Variants in TRPC4 observed in about 807,000 individuals in gnomAD.
The protein encoded by TRPC4 is short transient receptor potential channel 4.
TRPC4 carries 49 observed loss-of-function variants against 99.4 expected under a neutral mutation model. The observed-to-expected ratio is 0.49, with a 90% CI of 0.39 to 0.63. The LOEUF (loss-of-function observed/expected upper bound fraction) is 0.63. TRPC4 is among the 20% of genes least tolerant of loss of function. The pLI is 0.00. For synonymous variants in TRPC4, 454 were observed against 425.9 expected, an observed-to-expected ratio of 1.07 and a Z score of -0.81; for missense variants, 898 against 1,152.9, an observed-to-expected ratio of 0.78 and a Z score of 3.20.
chr13:37,667,486 T>C (rs1952684489), intron 5 of TRPC4, among the ~76,000 whole-genome samples: 1 of 152,136 alleles, frequency 6.6e-6, no homozygotes, highest in South Asian at 2.1e-4. Flanking sequence ...TTTACATTTT[T>C]AGTAGAGACG....
At chr13:37,822,665 T>A (rs1378036851) in intron 1 of TRPC4, among the ~76,000 whole-genome samples, 1 of 152,088 alleles carries the variant, frequency 6.6e-6, no homozygotes, top group Non-Finnish European at 1.5e-5. Flanking sequence ...TCATCCAGTC[T>A]ATCATTGTTG....
At chr13:37,760,091 A>G (rs1382605850) in intron 2 of TRPC4, among the ~76,000 whole-genome samples, 1 of 151,978 alleles carries the variant, frequency 6.6e-6, no homozygotes, top group African/African-American at 2.4e-5. Flanking sequence ...TATTTATATA[A>G]AGATTCCTTA....
At chr13:37,770,822 T>C (rs1464370822) in intron 2 of TRPC4, among the ~76,000 whole-genome samples, 1 of 151,658 alleles carries the variant, frequency 6.6e-6, no homozygotes, top group Non-Finnish European at 1.5e-5. Flanking sequence ...GGATGAAGCG[T>C]GTATCGTATT....
chr13:37,714,691 A>G (rs974454664), intron 3 of TRPC4, among the ~76,000 whole-genome samples: 1 of 152,074 alleles, frequency 6.6e-6, no homozygotes, highest in Non-Finnish European at 1.5e-5. Flanking sequence ...CCATCAAAGT[A>G]TCACCCCACA....
At chr13:37,741,493 A>T (rs528775967) in intron 3 of TRPC4, among the ~76,000 whole-genome samples, 189 of 152,272 alleles carry the variant, frequency 1.2e-3, no homozygotes, top group African/African-American at 4.5e-3. Flanking sequence ...TGGCATCGGG[A>T]TGGGAGTGCT....
At position 37,856,767 on chromosome 13, in the gene TRPC4, G is replaced by C. The variant is rs568979132; in HGVS notation, c.-28+12828C>G. ...AGTGTGATACATCATATAAACTAAA[G>C]GGTTAAACCATGCTAAAGGGTAAAA... On this transcript the variant is annotated intron_variant, in intron 1 of 10. Transcript: ENST00000379705. 2.3e-4 allele frequency among the ~76,000 whole-genome samples: 35 copies of C among 151,100 alleles called. No homozygotes were observed. The South Asian group carries it at 6.6e-3, about 29-fold the overall frequency.
At chr13:37,661,831 G>A (rs879940690) in intron 6 of TRPC4, among the ~76,000 whole-genome samples, 30 of 152,160 alleles carry the variant, frequency 2.0e-4, no homozygotes, top group Non-Finnish European at 3.1e-4. Context: ...GTGGGCGGGG[G>A]AGGAAGAGAA....
At chr13:37,646,247 A>T (rs1182324171) in intron 8 of TRPC4, among the ~76,000 whole-genome samples, 1 of 152,176 alleles carries the variant, frequency 6.6e-6, no homozygotes, top group East Asian at 1.9e-4. Context: ...TCTTCCAGAG[A>T]CCATCCTGCC....
chr13:37,823,779 TTAAAG>T (rs1419446837), intron 1 of TRPC4, among the ~76,000 whole-genome samples: 1 of 137,560 alleles, frequency 7.3e-6, no homozygotes, highest in Non-Finnish European at 1.6e-5. Flanking sequence ...CATATGAACT[TTAAAG>T]TAGTTTTTTT....
At chr13:37,733,821 A>T (rs1955313588) in intron 3 of TRPC4, among the ~76,000 whole-genome samples, 1 of 152,198 alleles carries the variant, frequency 6.6e-6, no homozygotes, top group South Asian at 2.1e-4. Context: ...ATACGGGTGG[A>T]GGACGATAGA....
At chr13:37,835,039 GT>G (rs34691092) in intron 1 of TRPC4, among the ~76,000 whole-genome samples, 9 of 147,706 alleles carry the variant, frequency 6.1e-5, no homozygotes, top group Admixed American at 1.3e-4. Context: ...GGCCCAGCCT[GT>G]TTTTTTTTTT....
At chr13:37,842,699 G>C (rs1958778880) in intron 1 of TRPC4, among the ~76,000 whole-genome samples, 1 of 152,120 alleles carries the variant, frequency 6.6e-6, no homozygotes, top group Non-Finnish European at 1.5e-5. Flanking sequence ...AATCACATAA[G>C]GGTAGACCCC....
chr13:37,760,127 A>G (rs989484841), intron 2 of TRPC4, among the ~76,000 whole-genome samples: 35 of 152,054 alleles, frequency 2.3e-4, no homozygotes, highest in African/African-American at 8.2e-4. Context: ...ACATTAGTTG[A>G]GATTCTACTT....
At chr13:37,743,971 T>C (rs905845595) in intron 3 of TRPC4, among the ~76,000 whole-genome samples, 1 of 152,176 alleles carries the variant, frequency 6.6e-6, no homozygotes, top group Non-Finnish European at 1.5e-5. Flanking sequence ...GTTCATTCAC[T>C]GGCTGCAGAG....
chr13:37,832,642 C>T (rs1958454675), intron 1 of TRPC4, among the ~76,000 whole-genome samples: 1 of 151,872 alleles, frequency 6.6e-6, no homozygotes, highest in Non-Finnish European at 1.5e-5. Context: ...TTAGATGATT[C>T]AATTAAATCT....
intron 1 of TRPC4, among the ~76,000 whole-genome samples, chr13:37,792,763 G>A (rs201761929): frequency 2.8e-5 from 4 of 144,938 alleles, no homozygotes; most frequent in South Asian, 2.3e-4. Flanking sequence ...GTGTGTGTAC[G>A]TGGATGTGCA....
At chr13:37,827,362 T>G (rs977579155) in intron 1 of TRPC4, among the ~76,000 whole-genome samples, 5 of 152,138 alleles carry the variant, frequency 3.3e-5, no homozygotes, top group Non-Finnish European at 7.3e-5. Context: ...CTTTTTAGAG[T>G]TTCCAGTTTT....
chr13:37,843,145 G>T (rs981469036), intron 1 of TRPC4, among the ~76,000 whole-genome samples: 2 of 152,160 alleles, frequency 1.3e-5, no homozygotes, highest in African/African-American at 4.8e-5. Flanking sequence ...CATACTAATT[G>T]TGTGACCTTA....
chr13:37,710,756 T>G (rs143485221), intron 3 of TRPC4, among the ~76,000 whole-genome samples: 300 of 152,058 alleles, frequency 2.0e-3, no homozygotes, highest in Non-Finnish European at 4.0e-3. Flanking sequence ...CTCTAAGGTA[T>G]AAAATCTGTA....
Sources: allele counts gnomAD v4.1 joint callset (sites outside exome capture counted in the v4.1 genomes callset), GRCh38; gene constraint gnomAD v4.1.1; transcripts MANE v1.5; gene names NCBI Gene and HGNC (gene_info 2026-07-23, HGNC 2026-07-21).